The following SV2C variants were observed in gnomAD, a reference collection of about 807,000 sequenced individuals.
SV2C encodes the protein synaptic vesicle glycoprotein 2C, also known as solute carrier family 22 member B3.
In SV2C, 49 loss-of-function variants were observed where a neutral mutation model predicts 79.7. The ratio of observed to expected loss-of-function variants is 0.61; its 90% CI spans 0.49 to 0.78. The LOEUF (loss-of-function observed/expected upper bound fraction) is 0.78, where lower values mean the gene tolerates loss of function less well. Among genes scored for constraint, SV2C ranks in the 30% least tolerant of loss-of-function variants. The probability of loss-of-function intolerance (pLI) is 0.00; values close to 1 mark genes in which losing one functional copy is unlikely to be tolerated. For missense variants in SV2C, 833 were observed against 912.9 expected (o/e 0.91, Z 1.13); for synonymous variants, 334 against 333.2 (o/e 1.00, Z -0.03).
the SV2C span, among the ~76,000 whole-genome samples, chr5:75,969,982 C>A: frequency 2.0e-5 from 3 of 151,984 alleles, no homozygotes; most frequent in Non-Finnish European, 4.4e-5. Flanking sequence ...TCTCTCAGAC[C>A]ACAGTGCAAT....
the SV2C span, among the ~76,000 whole-genome samples, chr5:76,028,365 G>A: frequency 6.6e-6 from 1 of 152,162 alleles, no homozygotes; most frequent in Non-Finnish European, 1.5e-5. Flanking sequence ...ACAATATTTT[G>A]TAAGGATGGT....
chr5:76,301,011 C>T lies in SV2C; in HGVS notation c.1840+79C>T, dbSNP rs981437768. 5.4e-6 allele frequency: 8 copies of T among 1,470,578 alleles called. No individual in the cohort carries two copies. In the South Asian group the frequency reaches 8.5e-5, roughly 16 times the overall value. 91.1% of individuals were successfully genotyped at this position (1,470,578 alleles called of 1,614,324 possible). A position where few individuals can be genotyped will look rare whatever the true frequency, so the allele number is the denominator to read the frequency against. Reference sequence around the variant, plus strand: ...ACCCTGTTTCCCCCTGTACTCCCATCTATTAGGGATTTGCATCCAATAAGG... The same window carrying T: ...ACCCTGTTTCCCCCTGTACTCCCATTTATTAGGGATTTGCATCCAATAAGG... On this transcript the variant is annotated intron_variant, in intron 11 of 12. Transcript: ENST00000502798.
intron 2 of SV2C, among the ~76,000 whole-genome samples, chr5:76,184,439 G>A (rs1743846026): frequency 6.6e-6 from 1 of 152,228 alleles, no homozygotes; most frequent in South Asian, 2.1e-4. Flanking sequence ...ATTAGGTTCA[G>A]TCTATTACCA....
chr5:76,142,646 A>C (rs760640644), intron 2 of SV2C, among the ~76,000 whole-genome samples: 1 of 152,224 alleles, frequency 6.6e-6, no homozygotes, highest in Non-Finnish European at 1.5e-5. Context: ...GTCATTATTA[A>C]AATTACTCTT....
At chr5:76,144,857 CAT>C (rs1008660036) in intron 2 of SV2C, among the ~76,000 whole-genome samples, 4 of 151,744 alleles carry the variant, frequency 2.6e-5, no homozygotes, top group African/African-American at 9.7e-5. Flanking sequence ...TTTAGCAAAT[CAT>C]GTGTCTAATT....
chr5:76,250,124 GA>G (rs200193839), intron 4 of SV2C, among the ~76,000 whole-genome samples: 1,665 of 152,242 alleles, frequency 0.011, 39 homozygotes, highest in African/African-American at 0.038. Flanking sequence ...CCTTGGTAAA[GA>G]AATGTTGGCA....
the SV2C span, among the ~76,000 whole-genome samples, chr5:76,010,004 T>TGG: frequency 6.7e-6 from 1 of 148,956 alleles, no homozygotes; most frequent in Non-Finnish European, 1.5e-5. Context: ...TTTTTTTTTT[T>TGG]TTTTTTTTTG....
At chr5:76,237,244 A>T (rs1398515552) in intron 4 of SV2C, among the ~76,000 whole-genome samples, 2 of 152,238 alleles carry the variant, frequency 1.3e-5, no homozygotes, top group Non-Finnish European at 2.9e-5. Flanking sequence ...TAGTATATTG[A>T]GTATGATTAC....
Position 76,298,779 on chromosome 5 carries a change from C to T in SV2C, c.1503-15C>T. On this transcript the variant is annotated splice_polypyrimidine_tract_variant and intron_variant, in intron 9 of 12. Coordinates refer to ENST00000502798, the MANE Select transcript of SV2C (RefSeq NM_014979.4). ...CAGTCATTGATTGATATGAATTTTT[C>T]TGTGTGTTGGGCAGATTCATAGGGG... 6.2e-7 allele frequency: 1 copy of T among 1,609,978 alleles called. No individual in the cohort carries two copies. The highest frequency in any genetic ancestry group is 8.5e-7 in the Non-Finnish European group (1 of 1,177,604).
intron 4 of SV2C, among the ~76,000 whole-genome samples, chr5:76,223,147 A>G (rs12515010): frequency 0.35 from 53,202 of 151,860 alleles, 10,289 homozygotes; most frequent in African/African-American, 0.53. Context: ...ATCATTTGCC[A>G]TGAGAAAAAC....
chr5:76,245,053 C>T (rs1437152515), intron 4 of SV2C, among the ~76,000 whole-genome samples: 2 of 152,160 alleles, frequency 1.3e-5, no homozygotes, highest in Non-Finnish European at 1.5e-5. Flanking sequence ...TTCCATGGTA[C>T]CCCCAAATTG....
the SV2C span, among the ~76,000 whole-genome samples, chr5:76,017,418 C>T: frequency 1.3e-5 from 2 of 152,152 alleles, 1 homozygote. Flanking sequence ...TCTCAAGCAG[C>T]TGGGACTACA....
chr5:75,889,380 T>A, the SV2C span, among the ~76,000 whole-genome samples: 1 of 152,052 alleles, frequency 6.6e-6, no homozygotes, highest in Non-Finnish European at 1.5e-5. Flanking sequence ...GTTAGTTTGC[T>A]AAGAATGATG....
the SV2C span, among the ~76,000 whole-genome samples, chr5:75,882,550 A>C: frequency 6.6e-6 from 1 of 152,146 alleles, no homozygotes; most frequent in African/African-American, 2.4e-5. Flanking sequence ...ACCAAAACAG[A>C]GATATAGATC....
Position 76,298,941 on chromosome 5 carries a change from T to A in SV2C, c.1636+14T>A. On this transcript the variant is annotated intron_variant, in intron 10 of 12. Coordinates refer to ENST00000502798, the MANE Select transcript of SV2C (RefSeq NM_014979.4). Reference sequence around the variant, plus strand: ...TTGACAACACAGGTAGGTGTGCTACTTAGTACTGCCTCTACCTGAGGCCTC... The same window carrying A: ...TTGACAACACAGGTAGGTGTGCTACATAGTACTGCCTCTACCTGAGGCCTC... 6.2e-7 allele frequency: 1 copy of A among 1,612,708 alleles called. No individual in the cohort carries two copies. The highest frequency in any genetic ancestry group is 8.5e-7 in the Non-Finnish European group (1 of 1,179,568).
chr5:75,986,963 C>T, the SV2C span, among the ~76,000 whole-genome samples: 1 of 151,872 alleles, frequency 6.6e-6, no homozygotes, highest in Non-Finnish European at 1.5e-5. Flanking sequence ...GGCATGTTTG[C>T]TGGCAATGCT....
At chr5:75,936,591 T>G in the SV2C span, among the ~76,000 whole-genome samples, 50 of 152,326 alleles carry the variant, frequency 3.3e-4, no homozygotes, top group African/African-American at 1.2e-3. Context: ...GGGCCACAGC[T>G]AACAGATGCG....
chr5:76,228,442 G>C (rs910752641), intron 4 of SV2C, among the ~76,000 whole-genome samples: 1 of 152,178 alleles, frequency 6.6e-6, no homozygotes, highest in Non-Finnish European at 1.5e-5. Flanking sequence ...CACAGGTAGC[G>C]GGGCAAGCTG....
rs1346558721 is a variant in SV2C, at chr5:76,240,686, C to T, written c.913+30799C>T. Among the ~76,000 whole-genome samples, 3 of 152,164 alleles carry T rather than the reference C, an allele frequency of 2.0e-5. No individual in the cohort carries two copies. In the East Asian group the frequency reaches 5.8e-4, roughly 29 times the overall value. ...TCCTCTCTCAGTCTCTCTGATCCTTCCACCTGTGCTCTGGGTTCACCTCTC... is the reference window on the plus strand; with the variant it reads ...TCCTCTCTCAGTCTCTCTGATCCTTTCACCTGTGCTCTGGGTTCACCTCTC... On this transcript the variant is annotated intron_variant, in intron 4 of 12. Coordinates refer to ENST00000502798, the MANE Select transcript of SV2C (RefSeq NM_014979.4).
Sources: allele counts gnomAD v4.1 joint callset (sites outside exome capture counted in the v4.1 genomes callset), GRCh38; gene constraint gnomAD v4.1.1; transcripts MANE v1.5; gene names NCBI Gene and HGNC (gene_info 2026-07-23, HGNC 2026-07-21).